SMYD3: variants seen among roughly 807,000 people sequenced by gnomAD.
The protein encoded by SMYD3 is SET and MYND domain containing 3.
In SMYD3, 36 loss-of-function variants were observed where a neutral mutation model predicts 57.7. The observed-to-expected ratio is 0.62, with a 90% CI of 0.48 to 0.82. SMYD3 has a LOEUF of 0.82. SMYD3 is among the 40% of genes least tolerant of loss of function. The pLI is 0.00. For missense variants in SMYD3, 515 were observed against 538.8 expected (o/e 0.96, Z 0.44); for synonymous variants, 211 against 195.0 (o/e 1.08, Z -0.68).
chr1:246,429,288 A>T (rs2067265467), intron 1 of SMYD3, among the ~76,000 whole-genome samples: 2 of 152,146 alleles, frequency 1.3e-5, no homozygotes, highest in Non-Finnish European at 2.9e-5. Context: ...GGGAATCAAG[A>T]TATAACCTTA....
At chr1:245,870,576 G>A (rs148711894) in intron 8 of SMYD3, among the ~76,000 whole-genome samples, 125 of 152,170 alleles carry the variant, frequency 8.2e-4, no homozygotes, top group African/African-American at 2.9e-3. Flanking sequence ...AATACCCCAG[G>A]ATCATTTCCT....
intron 5 of SMYD3, among the ~76,000 whole-genome samples, chr1:246,166,195 A>T (rs1490080878): frequency 6.6e-6 from 1 of 152,200 alleles, no homozygotes; most frequent in Non-Finnish European, 1.5e-5. Context: ...CAACTTGGAA[A>T]ATAACCTGAG....
intron 5 of SMYD3, among the ~76,000 whole-genome samples, chr1:246,104,570 A>G (rs536737876): frequency 1.3e-5 from 2 of 152,322 alleles, no homozygotes; most frequent in African/African-American, 2.4e-5. Context: ...AAAGTGACAC[A>G]TGGGGCAAGA....
intron 10 of SMYD3, among the ~76,000 whole-genome samples, chr1:245,851,442 G>T (rs1558421115): frequency 6.6e-6 from 1 of 152,190 alleles, no homozygotes; most frequent in Non-Finnish European, 1.5e-5. Flanking sequence ...TGAGAATCAG[G>T]TAGAGAAGAT....
intron 5 of SMYD3, among the ~76,000 whole-genome samples, chr1:246,246,140 C>T (rs2063700440): frequency 6.6e-6 from 1 of 152,166 alleles, no homozygotes; most frequent in Admixed American, 6.5e-5. Context: ...AACGATCTTA[C>T]TTTTATTCTA....
intron 2 of SMYD3, among the ~76,000 whole-genome samples, chr1:246,352,683 T>C (rs1360835868): frequency 1.3e-5 from 2 of 152,182 alleles, no homozygotes; most frequent in Non-Finnish European, 2.9e-5. Flanking sequence ...AGCTAATATA[T>C]GTAGTAAAAA....
intron 1 of SMYD3, among the ~76,000 whole-genome samples, chr1:246,411,993 AC>A (rs1183921075): frequency 6.8e-6 from 1 of 147,660 alleles, no homozygotes; most frequent in Non-Finnish European, 1.5e-5. Flanking sequence ...AAAAAAAAAA[AC>A]TTAAGGTACA....
rs866883139 is a variant in SMYD3, at chr1:245,764,075, C to T, written c.1151G>A (p.Gly384Asp). 14 of 1,613,904 alleles carry T rather than the reference C, an allele frequency of 8.7e-6. No individual in the cohort carries two copies. The highest frequency in any genetic ancestry group is 1.2e-5 in the Non-Finnish European group (14 of 1,179,952). ...MKVGKLQLHQ[G>D]MFPQAMKNLR... ...ATTCTTCATTGCTTGGGGAAACATG[C>T]CTTGATGTAGCTGCAGTTTGCCAAC... Residue 384 changes from glycine to aspartate, a missense_variant, in exon 11 of 12, where the codon GGC becomes GAC. By Grantham distance (94) the Gly-to-Asp change is moderately conservative (BLOSUM62 -1). Transcript: ENST00000490107.
At chr1:246,049,463 AT>A (rs35899131) in intron 5 of SMYD3, among the ~76,000 whole-genome samples, 50,188 of 142,744 alleles carry the variant, frequency 0.35, 10,065 homozygotes, top group East Asian at 0.58. Flanking sequence ...CGCCTGGCTA[AT>A]TTTTTTTTTT....
chr1:246,222,490 C>T (rs1043738963), intron 5 of SMYD3, among the ~76,000 whole-genome samples: 9 of 152,018 alleles, frequency 5.9e-5, no homozygotes, highest in East Asian at 1.9e-4. Flanking sequence ...CATTTGAACA[C>T]GCAAGCACAG....
intron 10 of SMYD3, among the ~76,000 whole-genome samples, chr1:245,831,183 C>A (rs1345346922): frequency 1.3e-5 from 2 of 152,178 alleles, no homozygotes; most frequent in Non-Finnish European, 2.9e-5. Context: ...GATGACAGTT[C>A]TGTATCTTAC....
chr1:245,967,347 A>C (rs2058181801), intron 5 of SMYD3, among the ~76,000 whole-genome samples: 1 of 152,222 alleles, frequency 6.6e-6, no homozygotes, highest in African/African-American at 2.4e-5. Context: ...ATAAGTTGAA[A>C]AGAAGTTCAA....
chr1:246,401,525 G>A (rs1170512560), intron 1 of SMYD3, among the ~76,000 whole-genome samples: 1 of 151,896 alleles, frequency 6.6e-6, no homozygotes, highest in Non-Finnish European at 1.5e-5. Flanking sequence ...TAGAGATAGG[G>A]TTTCACCATG....
chr1:246,444,422 C>A (rs1375009460), intron 1 of SMYD3, among the ~76,000 whole-genome samples: 2 of 152,196 alleles, frequency 1.3e-5, no homozygotes, highest in East Asian at 3.9e-4. Flanking sequence ...TCGCGCCCAG[C>A]CCCAGAACCT....
At chr1:245,871,293 A>G (rs1327516575) in intron 8 of SMYD3, among the ~76,000 whole-genome samples, 1 of 152,230 alleles carries the variant, frequency 6.6e-6, no homozygotes, top group Non-Finnish European at 1.5e-5. Context: ...AGATTAATAT[A>G]CAACATCATT....
chr1:246,379,226 A>AAAT (rs1281716376), intron 1 of SMYD3, among the ~76,000 whole-genome samples: 2 of 151,352 alleles, frequency 1.3e-5, no homozygotes, highest in Non-Finnish European at 2.9e-5. Flanking sequence ...AAATGATAAT[A>AAAT]AATAATAATA....
intron 10 of SMYD3, among the ~76,000 whole-genome samples, chr1:245,854,148 G>A (rs1187982524): frequency 1.3e-5 from 2 of 152,118 alleles, no homozygotes; most frequent in East Asian, 3.8e-4. Context: ...AAGAGATGAA[G>A]GCCCTAATAC....
At chr1:245,839,014 C>G (rs2050250249) in intron 10 of SMYD3, among the ~76,000 whole-genome samples, 1 of 152,120 alleles carries the variant, frequency 6.6e-6, no homozygotes, top group African/African-American at 2.4e-5. Flanking sequence ...CAGCACTAGC[C>G]CCTCTCAGGG....
Position 245,949,158 on chromosome 1 carries a change from C to T in SMYD3, c.532-19221G>A, listed in dbSNP as rs556910888. Among the ~76,000 whole-genome samples the T allele has an allele frequency of 1.6e-4, 24 of 152,296 alleles. 1 individual carries two copies. In the South Asian group the frequency reaches 2.9e-3, roughly 18 times the overall value. ...GCCTATGCCACGCCCATTGCCCAGA[C>T]GCCCAAGGACCCTCCCACCCAGCAC... On this transcript the variant is annotated intron_variant, in intron 5 of 11. Coordinates refer to ENST00000490107, the MANE Select transcript of SMYD3 (RefSeq NM_001167740.2).
Sources: allele counts gnomAD v4.1 joint callset (sites outside exome capture counted in the v4.1 genomes callset), GRCh38; gene constraint gnomAD v4.1.1; transcripts MANE v1.5; gene names NCBI Gene and HGNC (gene_info 2026-07-23, HGNC 2026-07-21).